The following YBX1 variants were observed in gnomAD, a reference collection of about 807,000 sequenced individuals.
YBX1 encodes Y-box-binding protein 1.
Under a neutral mutation model 41.4 loss-of-function variants are expected in YBX1, and 3 were observed. The observed-to-expected ratio is 0.07, with a 90% CI of 0.03 to 0.19. YBX1 has a LOEUF of 0.19. YBX1 is among the 10% of genes least tolerant of loss of function. YBX1 has a pLI of 1.00. For synonymous variants in YBX1, 133 were observed against 165.8 expected, an observed-to-expected ratio of 0.80 and a Z score of 1.52; for missense variants, 274 against 462.8, an observed-to-expected ratio of 0.59 and a Z score of 3.74.
At chr1:42,686,509 G>A (rs571872624) in intron 2 of YBX1, among the ~76,000 whole-genome samples, 44 of 152,238 alleles carry the variant, frequency 2.9e-4, no homozygotes, top group African/African-American at 9.6e-4. Context: ...CAGCCTTCAC[G>A]CCTGGCCTCT....
At chr1:42,686,286 C>T (rs933550812) in intron 2 of YBX1, among the ~76,000 whole-genome samples, 1 of 152,146 alleles carries the variant, frequency 6.6e-6, no homozygotes, top group African/African-American at 2.4e-5. Flanking sequence ...TAAAACTACT[C>T]CCAGATGCTT....
Position 42,683,389 on chromosome 1 carries a change from G to GTTTTC in YBX1, c.167-8_167-4dup. On this transcript the variant is annotated splice_polypyrimidine_tract_variant and intron_variant, in intron 1 of 7. Coordinates refer to ENST00000321358, the MANE Select transcript of YBX1 (RefSeq NM_004559.5). ...TGGTAATCGTGGCTTGTTTTGCTTT[G>GTTTTC]TTTTCTTTTCCAGCAACGAAGGTTT... 1 of 1,614,214 alleles carries GTTTTC rather than the reference G, an allele frequency of 6.2e-7. No homozygotes were observed. Among genetic ancestry groups the GTTTTC allele is most frequent in the East Asian group, 2.2e-5 (1 of 44,880 alleles).
chr1:42,702,778 G>A lies in YBX1; in HGVS notation c.*829G>A, dbSNP rs1266550454. ...TTAGGACAACCTGTCACACTGCCTG[G>A]TGTGGTCATCAAATATTGGTTCAGC... On this transcript the variant is annotated 3_prime_UTR_variant, in exon 8 of 8. Transcript: ENST00000321358. 6.6e-6 allele frequency among the ~76,000 whole-genome samples: 1 copy of A among 152,192 alleles called. No homozygotes were observed. Among genetic ancestry groups the A allele is most frequent in the Admixed American group, 6.5e-5 (1 of 15,280 alleles).
chr1:42,700,165 A>G (rs1283436139), intron 6 of YBX1, among the ~76,000 whole-genome samples: 2 of 152,044 alleles, frequency 1.3e-5, no homozygotes, highest in Non-Finnish European at 2.9e-5. Flanking sequence ...TTTAGAATGT[A>G]CAAAGGTAAA....
In YBX1 at chr1:42,696,167, G is replaced by C. The variant is rs1650454371; in HGVS notation, c.265-32G>C. On this transcript the variant is annotated intron_variant, in intron 3 of 7. Transcript: ENST00000321358. The surrounding 1 kb of genome is among the most constrained non-coding windows in gnomAD (Gnocchi z 5.7). ...ATGAAAAAGCACATTATTCTCCCCT[G>C]TTAATCTATTTTTGGAATGTGATAT... The C allele has an allele frequency of 1.9e-6, 3 of 1,559,240 alleles. No homozygotes were observed. The highest frequency in any genetic ancestry group is 2.6e-6 in the Non-Finnish European group (3 of 1,142,026).
At chr1:42,685,941 G>T (rs759778091) in intron 2 of YBX1, among the ~76,000 whole-genome samples, 30 of 152,318 alleles carry the variant, frequency 2.0e-4, no homozygotes, top group Non-Finnish European at 3.4e-4. Context: ...TTTAAAAATA[G>T]CAGAAGTTTT....
At chr1:42,689,659 A>G (rs994161948) in intron 2 of YBX1, among the ~76,000 whole-genome samples, 1 of 152,168 alleles carries the variant, frequency 6.6e-6, no homozygotes, top group Non-Finnish European at 1.5e-5. Flanking sequence ...GGGAGTTTGG[A>G]TGGATTGGGC....
At chr1:42,701,455 C>T (rs1650598212) in intron 7 of YBX1, among the ~76,000 whole-genome samples, 1 of 151,678 alleles carries the variant, frequency 6.6e-6, no homozygotes, top group Non-Finnish European at 1.5e-5. Context: ...TTAGAATTAA[C>T]CTAGATGGTG....
At chr1:42,695,471 A>G (rs1650437646) in intron 3 of YBX1, among the ~76,000 whole-genome samples, 1 of 152,232 alleles carries the variant, frequency 6.6e-6, no homozygotes, top group Admixed American at 6.5e-5. Flanking sequence ...CTGTCTCATA[A>G]TGAGATTGAA....
intron 2 of YBX1, among the ~76,000 whole-genome samples, chr1:42,685,888 G>A (rs1246987984): frequency 6.6e-6 from 1 of 152,178 alleles, no homozygotes; most frequent in Admixed American, 6.5e-5. Flanking sequence ...CTCCCTGATG[G>A]TTATATTGTG....
rs759575880 is a variant in YBX1, at chr1:42,703,490, A to G, written c.*1541A>G. Among the ~76,000 whole-genome samples the G allele has an allele frequency of 6.6e-6, 1 of 151,980 alleles. No homozygotes were observed. The highest frequency in any genetic ancestry group is 1.5e-5 in the Non-Finnish European group (1 of 68,004). On this transcript the variant is annotated 3_prime_UTR_variant, in exon 8 of 8. Coordinates refer to ENST00000321358, the MANE Select transcript of YBX1 (RefSeq NM_004559.5). ...AGACTACTCAAAAAAAATTTTTTTAACCCTACTTAGTGTAAATATCTGTAC... is the reference window on the plus strand; with the variant it reads ...AGACTACTCAAAAAAAATTTTTTTAGCCCTACTTAGTGTAAATATCTGTAC...
At chr1:42,684,697 T>C (rs1650148902) in intron 2 of YBX1, among the ~76,000 whole-genome samples, 1 of 152,240 alleles carries the variant, frequency 6.6e-6, no homozygotes, top group South Asian at 2.1e-4. Context: ...TTTGCTTTCC[T>C]GGCTGGCCGA....
chr1:42,697,917 G>A (rs1182108939), intron 6 of YBX1, among the ~76,000 whole-genome samples: 1 of 152,198 alleles, frequency 6.6e-6, no homozygotes, highest in Non-Finnish European at 1.5e-5. Context: ...CACGGTGGTA[G>A]GATAGGATGG....
intron 1 of YBX1, 68 bp downstream of exon 1, chr1:42,682,799 T>G: frequency 9.3e-7 from 1 of 1,078,856 alleles, no homozygotes; most frequent in Non-Finnish European, 1.2e-6. Flanking sequence ...TAGCCGGAGC[T>G]GGGCGAGCCG....
intron 2 of YBX1, among the ~76,000 whole-genome samples, chr1:42,687,493 G>C (rs1021662321): frequency 5.3e-5 from 8 of 152,136 alleles, no homozygotes; most frequent in Admixed American, 5.2e-4. Context: ...TGTTGGCCAG[G>C]CTGGTCTCAA....
intron 2 of YBX1, among the ~76,000 whole-genome samples, chr1:42,693,217 A>C (rs914461491): frequency 2.6e-5 from 4 of 151,890 alleles, no homozygotes; most frequent in South Asian, 2.1e-4. Flanking sequence ...ATATTTTGCT[A>C]GTCATTGCTA....
At chr1:42,691,496 G>A (rs971434283) in intron 2 of YBX1, among the ~76,000 whole-genome samples, 3 of 152,168 alleles carry the variant, frequency 2.0e-5, no homozygotes, top group African/African-American at 7.2e-5. Context: ...TAGATATAGG[G>A]TCTCGCCACG....
intron 2 of YBX1, among the ~76,000 whole-genome samples, chr1:42,689,248 A>G (rs1650271672): frequency 6.6e-6 from 1 of 152,052 alleles, no homozygotes; most frequent in South Asian, 2.1e-4. Context: ...AGGGTGTTTA[A>G]TAGAGAAGAA....
intron 2 of YBX1, among the ~76,000 whole-genome samples, chr1:42,684,946 T>G (rs943969341): frequency 6.6e-6 from 1 of 152,340 alleles, no homozygotes; most frequent in South Asian, 2.1e-4. Flanking sequence ...TTCCTCCTTC[T>G]GAGCCTTGGA....
Sources: gnomAD v4.1 joint callset for allele counts (sites outside exome capture counted in the v4.1 genomes callset) on GRCh38, gnomAD v4.1.1 for gene constraint, Gnocchi (gnomAD v3.1) non-coding constraint, MANE v1.5 for transcripts, NCBI Gene and HGNC (gene_info 2026-07-23, HGNC 2026-07-21) for gene names.